The following CALN1 variants were observed in gnomAD, a reference collection of about 807,000 sequenced individuals.
CALN1 encodes calneuron 1.
In CALN1, 17 loss-of-function variants were observed where a neutral mutation model predicts 30.6. That is an observed-to-expected ratio of 0.56 (90% confidence interval 0.38 to 0.83). The LOEUF (loss-of-function observed/expected upper bound fraction) is 0.83, where lower values mean the gene tolerates loss of function less well. CALN1 is among the 40% of genes least tolerant of loss of function. The pLI is 0.00. For missense variants in CALN1, 291 were observed against 354.9 expected, an observed-to-expected ratio of 0.82 and a Z score of 1.45; for synonymous variants, 156 against 131.4, an observed-to-expected ratio of 1.19 and a Z score of -1.28.
intron 5 of CALN1, among the ~76,000 whole-genome samples, chr7:71,960,926 C>T (rs571925058): frequency 4.1e-4 from 63 of 152,276 alleles, no homozygotes; most frequent in Middle Eastern, 3.4e-3. Flanking sequence ...AAGCGATTCT[C>T]GTGCCTCAGC....
intron 5 of CALN1, among the ~76,000 whole-genome samples, chr7:71,907,614 G>T (rs1310778390): frequency 6.6e-6 from 1 of 152,168 alleles, no homozygotes; most frequent in East Asian, 1.9e-4. Context: ...TGGTTTAAAA[G>T]CGATAATACC....
At chr7:72,264,296 C>T (rs1796470531) in intron 3 of CALN1, among the ~76,000 whole-genome samples, 1 of 152,168 alleles carries the variant, frequency 6.6e-6, no homozygotes, top group Non-Finnish European at 1.5e-5. Flanking sequence ...TAAAACCAAA[C>T]TTCTCTGCTC....
At position 72,305,357 on chromosome 7, in the gene CALN1, C is replaced by T. The variant is rs1214586220; in HGVS notation, c.120-26547G>A. Among the ~76,000 whole-genome samples the T allele has an allele frequency of 3.3e-5, 5 of 152,332 alleles. No homozygotes were observed. In the East Asian group the frequency reaches 5.8e-4, roughly 18 times the overall value. On this transcript the variant is annotated intron_variant, in intron 2 of 6. Coordinates refer to ENST00000395275, the MANE Select transcript of CALN1 (RefSeq NM_031468.4). ...GAAAGTAATTACACAAAAAGTTCCA[C>T]TGCTTGTTAAGGCTCCTTCTTAAGG...
chr7:72,222,213 G>A (rs551693573), intron 3 of CALN1, among the ~76,000 whole-genome samples: 15 of 150,264 alleles, frequency 1.0e-4, no homozygotes, highest in East Asian at 9.8e-4. Flanking sequence ...GTAACAGAGC[G>A]AGACTCCGTC....
At chr7:72,145,313 C>G (rs1222733119) in intron 3 of CALN1, among the ~76,000 whole-genome samples, 2 of 152,154 alleles carry the variant, frequency 1.3e-5, no homozygotes. Context: ...CACAGAAATA[C>G]AAACTACCAT....
chr7:72,182,530 G>A (rs1272826423), intron 3 of CALN1, among the ~76,000 whole-genome samples: 1 of 152,094 alleles, frequency 6.6e-6, no homozygotes, highest in Non-Finnish European at 1.5e-5. Flanking sequence ...GACCAACCTG[G>A]GCAACATGGT....
chr7:72,116,360 T>A (rs955139755), intron 3 of CALN1, among the ~76,000 whole-genome samples: 1 of 152,106 alleles, frequency 6.6e-6, no homozygotes, highest in African/African-American at 2.4e-5. Flanking sequence ...CCTGTCTTTT[T>A]AAAAAAAGGC....
intron 4 of CALN1, among the ~76,000 whole-genome samples, chr7:72,079,614 G>A (rs1214420278): frequency 6.6e-6 from 1 of 152,030 alleles, no homozygotes; most frequent in African/African-American, 2.4e-5. Flanking sequence ...TACTGTACAG[G>A]TCATTCCTAC....
chr7:72,001,585 T>C (rs1267940757), intron 5 of CALN1, among the ~76,000 whole-genome samples: 1 of 152,116 alleles, frequency 6.6e-6, no homozygotes, highest in Non-Finnish European at 1.5e-5. Flanking sequence ...AAGTCAAAGG[T>C]CAAACCACGC....
At chr7:72,309,885 G>A (rs148847740) in intron 2 of CALN1, among the ~76,000 whole-genome samples, 70 of 152,206 alleles carry the variant, frequency 4.6e-4, no homozygotes, top group Middle Eastern at 6.8e-3. Flanking sequence ...TGCGCTTCCC[G>A]CTTCAAGGCT....
rs1434232356 is a variant in CALN1, at chr7:71,983,119, C to G, written c.501+40538G>C. Among the ~76,000 whole-genome samples, 4 of 152,186 alleles carry G rather than the reference C, an allele frequency of 2.6e-5. No individual in the cohort carries two copies. The East Asian group carries it at 7.7e-4, about 29-fold the overall frequency. Reference sequence around the variant, plus strand: ...GCCTCCTCAAGCCTGTCTATAAAATCCAGTGCAGTCTGCTGCCAGCTGGGA... The same window carrying G: ...GCCTCCTCAAGCCTGTCTATAAAATGCAGTGCAGTCTGCTGCCAGCTGGGA... On this transcript the variant is annotated intron_variant, in intron 5 of 6. Transcript: ENST00000395275.
intron 4 of CALN1, among the ~76,000 whole-genome samples, chr7:72,092,958 C>T (rs1434586045): frequency 1.3e-5 from 2 of 152,138 alleles, no homozygotes; most frequent in Non-Finnish European, 2.9e-5. Context: ...CTCGCGATGA[C>T]ACACAGTCTG....
intron 4 of CALN1, among the ~76,000 whole-genome samples, chr7:72,096,297 G>A (rs1436752286): frequency 1.3e-5 from 2 of 152,132 alleles, no homozygotes; most frequent in African/African-American, 4.8e-5. Flanking sequence ...AACCCCTAAG[G>A]ACAGACTTTA....
At chr7:72,185,911 C>T (rs1276860106) in intron 3 of CALN1, among the ~76,000 whole-genome samples, 7 of 152,198 alleles carry the variant, frequency 4.6e-5, no homozygotes, top group African/African-American at 1.4e-4. Context: ...AATTAAATCT[C>T]TTTCTCTTTT....
At chr7:72,197,830 T>G (rs1461547725) in intron 3 of CALN1, among the ~76,000 whole-genome samples, 3 of 152,030 alleles carry the variant, frequency 2.0e-5, no homozygotes, top group Non-Finnish European at 2.9e-5. Context: ...CACTCTAGCC[T>G]GGACAATACA....
rs550575809 is a variant in CALN1 at position 71,806,130 on chromosome 7, G to A, written c.658+4206C>T. Among the ~76,000 whole-genome samples the A allele has an allele frequency of 3.3e-5, 5 of 152,220 alleles. No homozygotes were observed. In the South Asian group the frequency reaches 8.3e-4, roughly 25 times the overall value. On this transcript the variant is annotated intron_variant, in intron 6 of 6. Coordinates refer to ENST00000395275, the MANE Select transcript of CALN1 (RefSeq NM_031468.4). ...TTAATGCGTAGGTAATGGGTTGATA[G>A]GTGCTGCAAACCACCATGGCACACA...
intron 3 of CALN1, among the ~76,000 whole-genome samples, chr7:72,246,038 T>A (rs1413615157): frequency 1.3e-5 from 2 of 152,222 alleles, no homozygotes; most frequent in African/African-American, 4.8e-5. Flanking sequence ...TTTCTCCCTA[T>A]GGGATTCCCT....
chr7:72,108,291 C>A (rs1807320669), intron 3 of CALN1, among the ~76,000 whole-genome samples: 1 of 152,200 alleles, frequency 6.6e-6, no homozygotes. Context: ...AGATAATCTC[C>A]CCATCTCAAG....
chr7:72,140,286 GA>G (rs1809810077), intron 3 of CALN1, among the ~76,000 whole-genome samples: 1 of 136,798 alleles, frequency 7.3e-6, no homozygotes, highest in Non-Finnish European at 1.5e-5. Flanking sequence ...AAGAGAGAGA[GA>G]GAGAGAGAGA....
Sources: gnomAD v4.1 joint callset for allele counts (sites outside exome capture counted in the v4.1 genomes callset) on GRCh38, gnomAD v4.1.1 for gene constraint, MANE v1.5 for transcripts, NCBI Gene and HGNC (gene_info 2026-07-23, HGNC 2026-07-21) for gene names.